KAZN: variants seen among roughly 807,000 people sequenced by gnomAD.
The protein encoded by KAZN is kazrin.
Under a neutral mutation model 87.4 loss-of-function variants are expected in KAZN, and 40 were observed. The observed-to-expected ratio is 0.46, with a 90% CI of 0.36 to 0.60. KAZN has a LOEUF of 0.60. Among genes scored for constraint, KAZN ranks in the 20% least tolerant of loss-of-function variants. The pLI is 0.00. For synonymous variants in KAZN, 466 were observed against 458.3 expected, an observed-to-expected ratio of 1.02 and a Z score of -0.22; for missense variants, 898 against 1,073.9, an observed-to-expected ratio of 0.84 and a Z score of 2.29.
chr1:14,215,339 T>C (rs1252221847), intron 2 of KAZN, among the ~76,000 whole-genome samples: 1 of 152,216 alleles, frequency 6.6e-6, no homozygotes, highest in Admixed American at 6.5e-5. Context: ...GTAGGATTTA[T>C]TTAACCAAAA....
intron 1 of KAZN, among the ~76,000 whole-genome samples, chr1:14,695,560 C>A (rs958994965): frequency 4.2e-5 from 5 of 119,880 alleles, no homozygotes; most frequent in Non-Finnish European, 7.3e-5. Flanking sequence ...GGCTGGAGTG[C>A]AGTGGCGCAA....
At chr1:13,935,612 A>G (rs1640699878) in intron 1 of KAZN, among the ~76,000 whole-genome samples, 2 of 152,226 alleles carry the variant, frequency 1.3e-5, no homozygotes, top group African/African-American at 4.8e-5. Context: ...TTGGGAGGTT[A>G]CATTTCCAGC....
intron 2 of KAZN, among the ~76,000 whole-genome samples, chr1:14,417,023 C>T (rs1393896820): frequency 6.7e-6 from 1 of 149,770 alleles, no homozygotes; most frequent in African/African-American, 2.5e-5. Context: ...CACACACACA[C>T]ACACACACAC....
chr1:15,098,693 G>C (rs1046280023), intron 10 of KAZN, among the ~76,000 whole-genome samples: 2 of 152,246 alleles, frequency 1.3e-5, no homozygotes, highest in Non-Finnish European at 2.9e-5. Context: ...ACTGGGAGGG[G>C]GACTGCCCCA....
At chr1:13,929,177 C>T (rs1640406872) in intron 1 of KAZN, among the ~76,000 whole-genome samples, 1 of 151,744 alleles carries the variant, frequency 6.6e-6, no homozygotes, top group African/African-American at 2.4e-5. Flanking sequence ...ACCTCAGCCT[C>T]CCAAGGAGCT....
chr1:13,983,366 G>C (rs968165976), intron 1 of KAZN, among the ~76,000 whole-genome samples: 21 of 152,350 alleles, frequency 1.4e-4, no homozygotes, highest in African/African-American at 2.9e-4. Context: ...GGCTGGCACT[G>C]CTGGGGGACC....
At chr1:14,756,997 T>C (rs1395916748) in intron 1 of KAZN, among the ~76,000 whole-genome samples, 8 of 152,232 alleles carry the variant, frequency 5.3e-5, no homozygotes, top group Non-Finnish European at 1.2e-4. Flanking sequence ...TCAGATCTTC[T>C]GCGGCAAGAG....
At chr1:14,683,509 C>T (rs145371213) in intron 1 of KAZN, among the ~76,000 whole-genome samples, 1 of 152,310 alleles carries the variant, frequency 6.6e-6, no homozygotes, top group Non-Finnish European at 1.5e-5. Context: ...GCTTCCCCTA[C>T]GTTTTCTCCA....
intron 1 of KAZN, among the ~76,000 whole-genome samples, chr1:14,860,745 G>A (rs1315949238): frequency 1.3e-5 from 2 of 152,214 alleles, no homozygotes; most frequent in African/African-American, 4.8e-5. Context: ...ACACGCATAT[G>A]CTGAGTGGAG....
intron 1 of KAZN, among the ~76,000 whole-genome samples, chr1:14,643,847 A>G (rs1362678393): frequency 6.6e-6 from 1 of 152,062 alleles, no homozygotes; most frequent in Non-Finnish European, 1.5e-5. Context: ...TTTACTTTTT[A>G]ATAAATAGCC....
intron 3 of KAZN, among the ~76,000 whole-genome samples, chr1:15,041,762 C>T (rs114224969): frequency 6.6e-6 from 1 of 152,134 alleles, no homozygotes; most frequent in African/African-American, 2.4e-5. Context: ...ATTCCCACCA[C>T]CCCCAACCCC....
chr1:14,270,850 A>AT (rs1303003301), intron 2 of KAZN, among the ~76,000 whole-genome samples: 1 of 151,796 alleles, frequency 6.6e-6, no homozygotes, highest in Non-Finnish European at 1.5e-5. Flanking sequence ...TCTGAGTTTG[A>AT]TTTTTTACCC....
intron 13 of KAZN, among the ~76,000 whole-genome samples, chr1:15,104,453 G>A (rs943263309): frequency 1.3e-5 from 2 of 152,216 alleles, no homozygotes; most frequent in Admixed American, 6.5e-5. Flanking sequence ...AAAACACCCA[G>A]GTGTTTAGAG....
At chr1:14,322,791 G>A (rs916376783) in intron 2 of KAZN, among the ~76,000 whole-genome samples, 2 of 152,210 alleles carry the variant, frequency 1.3e-5, no homozygotes, top group South Asian at 2.1e-4. Context: ...AATGAGTGTG[G>A]TGGGGGAGGA....
At chr1:14,888,854 A>G (rs1212417122) in intron 1 of KAZN, among the ~76,000 whole-genome samples, 3 of 152,224 alleles carry the variant, frequency 2.0e-5, no homozygotes, top group African/African-American at 7.2e-5. Context: ...TCAGAAGCCT[A>G]TATCTAGGAC....
chr1:14,961,837 A>T (rs6676281), intron 2 of KAZN, among the ~76,000 whole-genome samples: 1 of 152,126 alleles, frequency 6.6e-6, no homozygotes, highest in East Asian at 1.9e-4. Flanking sequence ...TAACAAAGAG[A>T]CCCCAAAACA....
Position 14,909,157 on chromosome 1 carries a change from G to A in KAZN, c.227-51527G>A, listed in dbSNP as rs1049052003. 8.5e-5 allele frequency among the ~76,000 whole-genome samples: 13 copies of A among 152,272 alleles called. No homozygotes were observed. In the East Asian group the frequency reaches 1.5e-3, roughly 18 times the overall value. Reference sequence around the variant, plus strand: ...TAAAACAGTAATAGTATATACTTTCGTAGAGTTGCAGTGATAATTAAATAT... The same window carrying A: ...TAAAACAGTAATAGTATATACTTTCATAGAGTTGCAGTGATAATTAAATAT... On this transcript the variant is annotated intron_variant, in intron 1 of 14. Transcript: ENST00000376030.
intron 2 of KAZN, among the ~76,000 whole-genome samples, chr1:14,554,994 T>C (rs1232157925): frequency 1.3e-5 from 2 of 152,190 alleles, no homozygotes; most frequent in Non-Finnish European, 2.9e-5. Context: ...TTTAGAGCTA[T>C]GATTCCGAAG....
chr1:14,268,582 CTG>C (rs2100674738), intron 2 of KAZN, among the ~76,000 whole-genome samples: 1 of 152,222 alleles, frequency 6.6e-6, no homozygotes, highest in African/African-American at 2.4e-5. Context: ...GCTCTCACCT[CTG>C]TTTTCAATGA....
Sources: gnomAD v4.1 joint callset for allele counts (sites outside exome capture counted in the v4.1 genomes callset) on GRCh38, gnomAD v4.1.1 for gene constraint, MANE v1.5 for transcripts, NCBI Gene and HGNC (gene_info 2026-07-23, HGNC 2026-07-21) for gene names.